Variants in DDX60 observed in about 807,000 individuals in gnomAD.
DDX60 encodes probable ATP-dependent RNA helicase DDX60.
Under a neutral mutation model 212.8 loss-of-function variants are expected in DDX60, and 165 were observed. That is an observed-to-expected ratio of 0.78 (90% CI 0.68 to 0.88). The LOEUF (loss-of-function observed/expected upper bound fraction) is 0.88, where lower values mean the gene tolerates loss of function less well. DDX60 is among the 40% of genes least tolerant of loss of function. The pLI, the probability that DDX60 is intolerant of heterozygous loss-of-function variation, is 0.00. For synonymous variants in DDX60, 703 were observed against 685.3 expected, an observed-to-expected ratio of 1.03 and a Z score of -0.40; for missense variants, 1,905 against 2,003.9, an observed-to-expected ratio of 0.95 and a Z score of 0.94.
chr4:168,225,276 T>C (rs910348671), intron 34 of DDX60, among the ~76,000 whole-genome samples: 1 of 152,042 alleles, frequency 6.6e-6, no homozygotes. Context: ...ATAGATGCCC[T>C]TACTCAGTTT....
In DDX60 at chr4:168,288,274, A is replaced by T. The variant is rs1735947258; in HGVS notation, c.1083T>A (p.Thr361=). ...CEYFILRNIH[T]FEFWNLNLIH... ...TTAAATTCAGATTCCAAAATTCAAA[A>T]GTATGTATATTTCTTAAGATGAAAT... Residue 361 remains threonine (T), a synonymous_variant, in exon 9 of 38, where the codon ACT becomes ACA. Transcript: ENST00000393743. The T allele has an allele frequency of 2.7e-6, 4 of 1,497,968 alleles. No homozygotes were observed. In the Admixed American group the frequency reaches 5.9e-5, roughly 22 times the overall value. The allele number at this position is 1,497,968 out of a possible 1,614,324, so 92.8% of individuals were successfully genotyped here.
intron 7 of DDX60, 82 bp from the exon 8 acceptor site, chr4:168,291,988 A>G (rs11723321): frequency 0.33 from 295,114 of 882,136 alleles, 52,429 homozygotes; most frequent in African/African-American, 0.47. Context: ...ACAAAAGCTG[A>G]CAGCTACCTT....
chr4:168,301,452 G>A lies in DDX60; in HGVS notation c.723+848C>T, dbSNP rs555041505. 1.9e-3 allele frequency among the ~76,000 whole-genome samples: 283 copies of A among 152,250 alleles called. 1 individual carries two copies. The highest frequency in any genetic ancestry group is 3.2e-3 in the Admixed American group (49 of 15,290). Reference sequence around the variant, plus strand: ...AGAAAGTACAGAAAGATGAGGGCTTGTAAAAGAACACAAGCGCCAACCTAA... The same window carrying A: ...AGAAAGTACAGAAAGATGAGGGCTTATAAAAGAACACAAGCGCCAACCTAA... On this transcript the variant is annotated intron_variant, in intron 6 of 37. Coordinates refer to ENST00000393743, the MANE Select transcript of DDX60 (RefSeq NM_017631.6).
Position 168,302,394 on chromosome 4 carries a change from G to C in DDX60, c.629C>G (p.Ala210Gly). 6.4e-7 allele frequency: 1 copy of C among 1,558,332 alleles called. No homozygotes were observed. Among genetic ancestry groups the C allele is most frequent in the South Asian group, 1.2e-5 (1 of 80,234 alleles). Reference sequence around the variant, plus strand: ...CAACTGGTTAAGCAGGGTTGTATAAGCATCTTTAATGTTCTGCTTATTCTG... The same window carrying C: ...CAACTGGTTAAGCAGGGTTGTATAACCATCTTTAATGTTCTGCTTATTCTG... ...SWKNKQNIKDAYTTLLNQLER... is the reference protein window; with the variant it reads ...SWKNKQNIKDGYTTLLNQLER... The change falls in exon 6 of 38, where the codon GCT (alanine) becomes GGT (glycine). Residue 210 changes from alanine to glycine, a missense_variant. By Grantham distance (60) the Ala-to-Gly change is moderately conservative. Transcript: ENST00000393743.
intron 5 of DDX60, among the ~76,000 whole-genome samples, chr4:168,303,232 G>C (rs2149547027): frequency 6.6e-6 from 1 of 151,630 alleles, no homozygotes. Context: ...AACCCGGGAG[G>C]CGGAGCTTGC....
intron 3 of DDX60, among the ~76,000 whole-genome samples, chr4:168,308,588 T>C (rs1409528285): frequency 6.6e-6 from 1 of 151,522 alleles, no homozygotes; most frequent in African/African-American, 2.4e-5. Flanking sequence ...CCATTCACTG[T>C]CATATAGCTC....
chr4:168,239,379 T>C (rs1462318655), intron 30 of DDX60, among the ~76,000 whole-genome samples: 2 of 114,658 alleles, frequency 1.7e-5, no homozygotes, highest in Non-Finnish European at 3.8e-5. Flanking sequence ...AGAAGGAAGA[T>C]AGATAGATAG....
At chr4:168,299,617 G>T (rs1736564238) in intron 6 of DDX60, among the ~76,000 whole-genome samples, 1 of 151,174 alleles carries the variant, frequency 6.6e-6, no homozygotes, top group Non-Finnish European at 1.5e-5. Flanking sequence ...AACTAAAAGG[G>T]AAAGTAATTA....
the DDX60 span, among the ~76,000 whole-genome samples, chr4:168,325,963 T>G: frequency 6.6e-6 from 1 of 152,320 alleles, no homozygotes; most frequent in East Asian, 1.9e-4. Flanking sequence ...CCCACAGCAG[T>G]CCATAGCTGT....
chr4:168,305,317 G>A (rs542130778), intron 5 of DDX60, among the ~76,000 whole-genome samples: 1 of 152,216 alleles, frequency 6.6e-6, no homozygotes, highest in South Asian at 2.1e-4. Context: ...ATACAAACTA[G>A]CTTATTTTAT....
intron 30 of DDX60, among the ~76,000 whole-genome samples, chr4:168,241,979 C>A (rs1733856302): frequency 6.6e-6 from 1 of 152,164 alleles, no homozygotes; most frequent in Non-Finnish European, 1.5e-5. Context: ...GAACCTGGTG[C>A]CTTGCATCCC....
At chr4:168,293,057 T>C (rs1287994246) in intron 7 of DDX60, among the ~76,000 whole-genome samples, 5 of 152,192 alleles carry the variant, frequency 3.3e-5, no homozygotes, top group Non-Finnish European at 1.5e-5. Context: ...AGTAGGTAGA[T>C]TGTATACAGA....
intron 1 of DDX60, among the ~76,000 whole-genome samples, chr4:168,315,353 T>C (rs984351093): frequency 6.6e-6 from 1 of 152,216 alleles, no homozygotes; most frequent in Non-Finnish European, 1.5e-5. Context: ...GTGATTCAAT[T>C]CATGGAGGAG....
chr4:168,244,176 T>C (rs1238092195), intron 30 of DDX60, among the ~76,000 whole-genome samples: 1 of 152,120 alleles, frequency 6.6e-6, no homozygotes, highest in Non-Finnish European at 1.5e-5. Flanking sequence ...GATGGGTTGA[T>C]AGGTGCAGCA....
At chr4:168,285,593 C>T (rs1486749660) in intron 10 of DDX60, 95 bp from the exon 11 acceptor site, 19 of 720,366 alleles carry the variant, frequency 2.6e-5, no homozygotes, top group Middle Eastern at 3.6e-4. Context: ...ATATTAAAAA[C>T]ATTTTATATT....
At chr4:168,282,314 A>T (rs752147205) in intron 13 of DDX60, among the ~76,000 whole-genome samples, 1 of 152,112 alleles carries the variant, frequency 6.6e-6, no homozygotes, top group South Asian at 2.1e-4. Flanking sequence ...AAATACAAGA[A>T]CTTTTTTGAT....
chr4:168,255,643 C>T (rs1012882305), intron 26 of DDX60, 68 bp downstream of exon 26: 69 of 1,320,806 alleles, frequency 5.2e-5, no homozygotes, highest in South Asian at 1.9e-4. Context: ...ATTCAATTTA[C>T]GTTTCCTACT....
At chr4:168,266,485 G>A (rs116110074) in intron 22 of DDX60, among the ~76,000 whole-genome samples, 3,496 of 152,202 alleles carry the variant, frequency 0.023, 123 homozygotes, top group African/African-American at 0.076. Flanking sequence ...CACAGACAAG[G>A]TATTATTGAG....
intron 5 of DDX60, among the ~76,000 whole-genome samples, chr4:168,305,356 T>G (rs1381602032): frequency 6.6e-6 from 1 of 152,190 alleles, no homozygotes; most frequent in East Asian, 1.9e-4. Context: ...TCCAAATACA[T>G]GAGGAGTATG....
Sources: allele counts gnomAD v4.1 joint callset (sites outside exome capture counted in the v4.1 genomes callset), GRCh38; gene constraint gnomAD v4.1.1; transcripts MANE v1.5; gene names NCBI Gene and HGNC (gene_info 2026-07-23, HGNC 2026-07-21).